The following ECHS1 variants were observed in gnomAD, a reference collection of about 807,000 sequenced individuals.
The protein encoded by ECHS1 is enoyl-CoA hydratase, short chain 1.
Under a neutral mutation model 33.5 loss-of-function variants are expected in ECHS1, and 19 were observed. The ratio of observed to expected loss-of-function variants is 0.57; its 90% CI spans 0.40 to 0.83. The LOEUF (loss-of-function observed/expected upper bound fraction) is 0.83. Ranked by LOEUF, ECHS1 falls within the 40% of genes least tolerant of loss-of-function variation. The pLI, the probability that ECHS1 is intolerant of heterozygous loss-of-function variation, is 0.00. For missense variants in ECHS1, 365 were observed against 381.3 expected, an observed-to-expected ratio of 0.96 and a Z score of 0.36; for synonymous variants, 158 against 146.6, an observed-to-expected ratio of 1.08 and a Z score of -0.56.
In ECHS1 at chr10:133,362,793, A is replaced by G; in HGVS notation, c.*75T>C. 6.6e-7 allele frequency: 1 copy of G among 1,509,112 alleles called. No homozygotes were observed. 93.5% of individuals were successfully genotyped at this position (1,509,112 alleles called of 1,614,324 possible). The stretch of plus-strand genomic sequence containing the variant: ...GGACACTGCTCTTGAAAAGAGGATG[A>G]TTTACTTGCTTCTAAAACTGACAGG... On this transcript the variant is annotated 3_prime_UTR_variant, in exon 8 of 8. Transcript: ENST00000368547.
chr10:133,373,128 G>T, intron 1 of ECHS1, 118 bp downstream of exon 1: 1 of 767,986 alleles, frequency 1.3e-6, no homozygotes, highest in Non-Finnish European at 1.9e-6. Flanking sequence ...GGTGTGGGTT[G>T]GGGTCAGGTG....
At position 133,370,962 on chromosome 10, in the gene ECHS1, CAT is replaced by C. The variant is rs1448718332; in HGVS notation, c.89-207_89-206del. On this transcript the variant is annotated intron_variant, in intron 1 of 7. Transcript: ENST00000368547. ...CTTGGTACCATTCTCTCTGCTTTCA[CAT>C]GTGTTTGAACATGTCCTAAAGAAAA... Among the ~76,000 whole-genome samples the C allele has an allele frequency of 6.6e-5, 10 of 152,324 alleles. No homozygotes were observed. In the East Asian group the frequency reaches 1.5e-3, roughly 24 times the overall value.
Position 133,362,868 on chromosome 10 carries a change from T to C in ECHS1, c.873A>G (p.Ter291TrpextTer21). The change falls in exon 8 of 8, where the codon TGA (stop) becomes TGG (tryptophan). Residue 291 changes from the stop codon to tryptophan, a stop_lost. Coordinates refer to ENST00000368547, the MANE Select transcript of ECHS1 (RefSeq NM_004092.4). Reference sequence around the variant, plus strand: ...GGTGTGAAGCAGGGGCAGCTGGTTCTCACTGGTCTTTGAAGTTGGCCTTTC... The same window carrying C: ...GGTGTGAAGCAGGGGCAGCTGGTTCCCACTGGTCTTTGAAGTTGGCCTTTC... ...EKRKANFKDQ[*>W] The C allele has an allele frequency of 6.2e-7, 1 of 1,614,174 alleles. No individual in the cohort carries two copies. Among genetic ancestry groups the C allele is most frequent in the Non-Finnish European group, 8.5e-7 (1 of 1,180,018 alleles).
At chr10:133,365,267 C>T (rs1392305603) in intron 6 of ECHS1, among the ~76,000 whole-genome samples, 3 of 152,206 alleles carry the variant, frequency 2.0e-5, no homozygotes, top group Admixed American at 6.5e-5. Context: ...CCAAACACCT[C>T]GGGCGACAGC....
rs147875751 is a variant in ECHS1, at chr10:133,363,820, G to A, written c.807+838C>T. On this transcript the variant is annotated intron_variant, in intron 7 of 7. Transcript: ENST00000368547. ...AATTAAAATTATGATGGTAATTAGA[G>A]GAATTACTTTAAGTTACTGGCAGAA... 4.6e-5 allele frequency among the ~76,000 whole-genome samples: 7 copies of A among 152,160 alleles called. No homozygotes were observed. In the East Asian group the frequency reaches 7.7e-4, roughly 17 times the overall value.
Position 133,366,871 on chromosome 10 carries a change from G to A in ECHS1, c.619+18C>T. 1 of 1,599,366 alleles carries A rather than the reference G, an allele frequency of 6.3e-7. No individual in the cohort carries two copies. Among genetic ancestry groups the A allele is most frequent in the Non-Finnish European group, 8.5e-7 (1 of 1,171,338 alleles). ...CCCGGGTTTCCAGGTGGCTCTTGCG[G>A]GCAGCCCCAACCCATACCTGCTTGC... On this transcript the variant is annotated intron_variant, in intron 5 of 7. Transcript: ENST00000368547.
intron 1 of ECHS1, among the ~76,000 whole-genome samples, chr10:133,372,214 G>A (rs1050923362): frequency 6.6e-6 from 1 of 152,248 alleles, no homozygotes; most frequent in Non-Finnish European, 1.5e-5. Context: ...GCCAAGGAGA[G>A]CATGGAGATG....
Position 133,365,807 on chromosome 10 carries a change from T to C in ECHS1, c.739+169A>G, listed in dbSNP as rs1414627523. Among the ~76,000 whole-genome samples the C allele has an allele frequency of 5.3e-5, 8 of 152,188 alleles. No homozygotes were observed. The East Asian group carries it at 1.3e-3, about 26-fold the overall frequency. The stretch of plus-strand genomic sequence containing the variant: ...GGAACATCTCAGCGGAGTTCCTGAG[T>C]GCGTGACCAGAAACCACGACTCTAC... On this transcript the variant is annotated intron_variant, in intron 6 of 7. Coordinates refer to ENST00000368547, the MANE Select transcript of ECHS1 (RefSeq NM_004092.4).
chr10:133,364,674 TA>T lies in ECHS1; in HGVS notation c.790del (p.Tyr264IlefsTer13). The T allele has an allele frequency of 2.5e-6, 4 of 1,613,714 alleles. No individual in the cohort carries two copies. The highest frequency in any genetic ancestry group is 3.4e-6 in the Non-Finnish European group (4 of 1,179,726). ...EGSKLEKKLF[Y>X]STFATDDRKE... The stretch of plus-strand genomic sequence containing the variant: ...TTTACTCACAGTGGCAAAGGTTGAA[TA>T]AAAGAGTTTCTTCTCCAACTTACTT... On this transcript the variant is annotated frameshift_variant, in exon 7 of 8. Transcript: ENST00000368547. LOFTEE classifies it high-confidence loss of function.
At chr10:133,363,002 G>A (rs1031532710) in intron 7 of ECHS1, 69 bp from the exon 8 acceptor site, 23 of 1,560,076 alleles carry the variant, frequency 1.5e-5, no homozygotes, top group African/African-American at 1.4e-4. Context: ...GCCAATGTCC[G>A]CCCGTCTCTC....
chr10:133,370,023 CA>C lies in ECHS1; in HGVS notation c.294del (p.Asp99IlefsTer8). 1 of 1,613,750 alleles carries C rather than the reference CA, an allele frequency of 6.2e-7. No individual in the cohort carries two copies. The highest frequency in any genetic ancestry group is 8.5e-7 in the Non-Finnish European group (1 of 1,179,934). ...TGGDKAFAAGADIKEMQNLSF... is the reference protein window; with the variant it reads ...TGGDKAFAAGXDIKEMQNLSF... ...CTCAGGTTCTGCATTTCCTTGATATCAGCTCCAGCTAGCAGGAGTGGAAAGG... is the reference window on the plus strand; with the variant it reads ...CTCAGGTTCTGCATTTCCTTGATATCGCTCCAGCTAGCAGGAGTGGAAAGG... On this transcript the variant is annotated frameshift_variant, in exon 3 of 8. Transcript: ENST00000368547. LOFTEE classifies it high-confidence loss of function.
chr10:133,370,078 C>T, intron 2 of ECHS1, 47 bp from the exon 3 acceptor site: 3 of 1,609,026 alleles, frequency 1.9e-6, no homozygotes, highest in Non-Finnish European at 2.5e-6. Context: ...AGCAGAGAGC[C>T]CACCCATCCT....
Position 133,369,926 on chromosome 10 carries a change from A to G in ECHS1, c.392T>C (p.Ile131Thr), listed in dbSNP as rs563600702. Residue 131 changes from isoleucine to threonine, a missense_variant, in exon 3 of 8, where the codon ATC (isoleucine) becomes ACC (threonine). Physicochemically the swap from Ile to Thr is moderately conservative, Grantham distance 89 (BLOSUM62 -1). Transcript: ENST00000368547. ...CACGGCATAGCCATTGACAGCAGCG[A>G]TGACTGGCTTCTTGACCTGGGTGAG... ...DHLTQVKKPVIAAVNGYAFGG... is the reference protein window; with the variant it reads ...DHLTQVKKPVTAAVNGYAFGG... 2 of 1,613,826 alleles carry G rather than the reference A, an allele frequency of 1.2e-6. No homozygotes were observed. The highest frequency in any genetic ancestry group is 1.3e-5 in the African/African-American group (1 of 75,056).
At chr10:133,371,233 T>C (rs186221402) in intron 1 of ECHS1, among the ~76,000 whole-genome samples, 22 of 151,840 alleles carry the variant, frequency 1.4e-4, no homozygotes, top group Admixed American at 4.6e-4. Context: ...GCTGAGATCA[T>C]GCCACTGCAC....
At chr10:133,369,680 A>G (rs1028007212) in intron 3 of ECHS1, among the ~76,000 whole-genome samples, 7 of 152,162 alleles carry the variant, frequency 4.6e-5, no homozygotes, top group Non-Finnish European at 1.0e-4. Context: ...CCTGGAAGAG[A>G]GGCTTGCTGG....
chr10:133,368,026 G>C (rs74164166), intron 4 of ECHS1, among the ~76,000 whole-genome samples: 4,853 of 152,132 alleles, frequency 0.032, 214 homozygotes, highest in African/African-American at 0.11. Flanking sequence ...TCCGCCTCTT[G>C]ATGGTATTGG....
At chr10:133,363,953 ATTT>A (rs960942062) in intron 7 of ECHS1, among the ~76,000 whole-genome samples, 1 of 142,224 alleles carries the variant, frequency 7.0e-6, no homozygotes, top group Non-Finnish European at 1.5e-5. Context: ...AATGAGTTAC[ATTT>A]TTTTTTTCAG....
chr10:133,370,091 A>C, intron 2 of ECHS1, 60 bp from the exon 3 acceptor site: 1 of 1,600,066 alleles, frequency 6.2e-7, no homozygotes, highest in Non-Finnish European at 8.5e-7. Flanking sequence ...CCCATCCTAT[A>C]TCTCTCAGAC....
chr10:133,367,198 G>A (rs1849045461), intron 4 of ECHS1, among the ~76,000 whole-genome samples: 1 of 152,206 alleles, frequency 6.6e-6, no homozygotes, highest in Non-Finnish European at 1.5e-5. Flanking sequence ...GTGCTCCCCT[G>A]TGGGCAAAGG....
Sources: gnomAD v4.1 joint callset for allele counts (sites outside exome capture counted in the v4.1 genomes callset) on GRCh38, gnomAD v4.1.1 for gene constraint, MANE v1.5 for transcripts, NCBI Gene and HGNC (gene_info 2026-07-23, HGNC 2026-07-21) for gene names.